Variants in EFHD1 observed in about 807,000 individuals in gnomAD.
The protein encoded by EFHD1 is EF-hand domain family member D1.
In EFHD1, 10 loss-of-function variants were observed where a neutral mutation model predicts 17.2. The ratio of observed to expected loss-of-function variants is 0.58; its 90% CI spans 0.36 to 0.99. The LOEUF (loss-of-function observed/expected upper bound fraction) is 0.99. EFHD1 is among the 50% of genes least tolerant of loss of function. The pLI is 0.01. For synonymous variants in EFHD1, 153 were observed against 142.0 expected, an observed-to-expected ratio of 1.08 and a Z score of -0.55; for missense variants, 310 against 327.5, an observed-to-expected ratio of 0.95 and a Z score of 0.41.
At chr2:232,639,688 C>A (rs1694390209) in intron 1 of EFHD1, among the ~76,000 whole-genome samples, 1 of 152,034 alleles carries the variant, frequency 6.6e-6, no homozygotes, top group Admixed American at 6.6e-5. Flanking sequence ...CAAAGATGTG[C>A]CGAATGGCCT....
chr2:232,639,359 T>G (rs1221660268), intron 1 of EFHD1, among the ~76,000 whole-genome samples: 1 of 152,068 alleles, frequency 6.6e-6, no homozygotes, highest in African/African-American at 2.4e-5. Flanking sequence ...ACTTTAACTT[T>G]TTTTTTTTTT....
chr2:232,657,954 G>A (rs1431772550), intron 1 of EFHD1, among the ~76,000 whole-genome samples: 1 of 127,664 alleles, frequency 7.8e-6, no homozygotes, highest in Non-Finnish European at 1.6e-5. Flanking sequence ...AGGCTGGAGT[G>A]CAGTGGTGCG....
At chr2:232,658,673 G>T (rs980223297) in intron 1 of EFHD1, among the ~76,000 whole-genome samples, 2 of 152,104 alleles carry the variant, frequency 1.3e-5, no homozygotes, top group Non-Finnish European at 2.9e-5. Flanking sequence ...GTGGAATATT[G>T]TTGGGCTACA....
intron 1 of EFHD1, among the ~76,000 whole-genome samples, chr2:232,611,253 A>G (rs1693810980): frequency 6.6e-6 from 1 of 152,026 alleles, no homozygotes; most frequent in African/African-American, 2.4e-5. Context: ...TACAAGCGTG[A>G]GTCCCTGTGC....
intron 1 of EFHD1, among the ~76,000 whole-genome samples, chr2:232,625,699 G>T (rs750332218): frequency 2.0e-5 from 3 of 152,066 alleles, no homozygotes; most frequent in Non-Finnish European, 4.4e-5. Context: ...ATACCTCTGA[G>T]AACCATTTTC....
intron 1 of EFHD1, chr2:232,611,915 G>A (rs1574697387): frequency 6.6e-6 from 1 of 152,264 alleles, no homozygotes; most frequent in African/African-American, 2.4e-5. Context: ...GTAGCAGGGG[G>A]TTAGGTGTCC....
chr2:232,607,060 C>T (rs771440888), intron 1 of EFHD1, among the ~76,000 whole-genome samples: 9 of 151,586 alleles, frequency 5.9e-5, no homozygotes, highest in Non-Finnish European at 1.2e-4. Flanking sequence ...GGCGCGATCA[C>T]GGCTCACTAC....
chr2:232,624,479 A>G (rs1694073945), intron 1 of EFHD1, among the ~76,000 whole-genome samples: 1 of 152,258 alleles, frequency 6.6e-6, no homozygotes. Flanking sequence ...TTTCTCCAGC[A>G]GCTGTGCCAA....
At chr2:232,620,885 G>A (rs1694006873) in intron 1 of EFHD1, among the ~76,000 whole-genome samples, 1 of 152,096 alleles carries the variant, frequency 6.6e-6, no homozygotes, top group Non-Finnish European at 1.5e-5. Context: ...TGAGGAACTG[G>A]GTTCCACGTT....
intron 1 of EFHD1, among the ~76,000 whole-genome samples, chr2:232,627,573 T>C (rs1051510350): frequency 2.0e-5 from 3 of 152,170 alleles, no homozygotes; most frequent in African/African-American, 4.8e-5. Context: ...CTGTGGAAGA[T>C]TGGATTTTCT....
At chr2:232,650,572 T>TGAGA (rs1694630626) in intron 1 of EFHD1, among the ~76,000 whole-genome samples, 2 of 22,340 alleles carry the variant, frequency 9.0e-5, no homozygotes, top group South Asian at 1.9e-3. Flanking sequence ...TTTTTTTTTT[T>TGAGA]TTTTTTTTTT....
intron 1 of EFHD1, 120 bp downstream of exon 1, chr2:232,634,126 G>A: frequency 2.0e-6 from 3 of 1,463,974 alleles, no homozygotes; most frequent in Non-Finnish European, 2.7e-6. Flanking sequence ...GGTAGCATTT[G>A]GCCCAACGCA....
At chr2:232,673,250 G>A (rs1211760185) in intron 3 of EFHD1, among the ~76,000 whole-genome samples, 1 of 152,120 alleles carries the variant, frequency 6.6e-6, no homozygotes, top group Admixed American at 6.6e-5. Flanking sequence ...TATTTTGCAG[G>A]GATGGGTCTT....
chr2:232,634,836 C>T (rs1694287407), intron 1 of EFHD1, among the ~76,000 whole-genome samples: 1 of 152,248 alleles, frequency 6.6e-6, no homozygotes, highest in Non-Finnish European at 1.5e-5. Context: ...ACCCGGTAAG[C>T]TCTTAACCGA....
upstream of EFHD1, among the ~76,000 whole-genome samples, chr2:232,629,853 G>GT (rs201057827): frequency 3.8e-4 from 57 of 150,016 alleles, no homozygotes; most frequent in African/African-American, 6.8e-4. Context: ...GCCCCCTTTA[G>GT]TTTTTTTTTT....
rs193054364 is a variant in EFHD1, at chr2:232,681,361, G to A, written c.586-224G>A. On this transcript the variant is annotated intron_variant, in intron 3 of 3. Transcript: ENST00000264059. ...ACCCCAGCAAAAGAAGCACATGGGG[G>A]CACAGCAACAAATACAGTGATGTGT... 1.2e-3 allele frequency among the ~76,000 whole-genome samples: 187 copies of A among 152,258 alleles called. 1 individual carries two copies. The highest frequency in any genetic ancestry group is 4.3e-3 in the African/African-American group (180 of 41,554).
chr2:232,639,890 G>C (rs1694395088), intron 1 of EFHD1, among the ~76,000 whole-genome samples: 1 of 152,102 alleles, frequency 6.6e-6, no homozygotes, highest in Non-Finnish European at 1.5e-5. Flanking sequence ...ATGCCTACCT[G>C]CGTGCTCACA....
chr2:232,631,691 T>TAAAAAAAA (rs34689384), upstream of EFHD1, among the ~76,000 whole-genome samples: 92 of 115,696 alleles, frequency 8.0e-4, 1 homozygote, highest in African/African-American at 1.6e-3. Flanking sequence ...ATAAGAACAT[T>TAAAAAAAA]AAAAAAAAAA....
chr2:232,606,380 G>C (rs1039818580), intron 1 of EFHD1, among the ~76,000 whole-genome samples: 1 of 152,190 alleles, frequency 6.6e-6, no homozygotes, highest in East Asian at 1.9e-4. Flanking sequence ...TGGTCTCCCA[G>C]AGAATCTAAA....
Sources: gnomAD v4.1 joint callset for allele counts (sites outside exome capture counted in the v4.1 genomes callset) on GRCh38, gnomAD v4.1.1 for gene constraint, MANE v1.5 for transcripts, NCBI Gene and HGNC (gene_info 2026-07-23, HGNC 2026-07-21) for gene names.